Variants in LPA observed in about 807,000 individuals in gnomAD.
LPA encodes the protein lipoprotein(a).
In LPA, 199 loss-of-function variants were observed where a neutral mutation model predicts 197.9. That is an observed-to-expected ratio of 1.01 (90% CI 0.90 to 1.13). The LOEUF is 1.13. Ranked by LOEUF, LPA falls within the 50% of genes most tolerant of loss-of-function variation. LPA has a pLI of 0.00. For missense variants in LPA, 1,853 were observed against 1,785.8 expected (o/e 1.04, Z -0.68); for synonymous variants, 715 against 639.5 (o/e 1.12, Z -1.78).
intron 1 of LPA, among the ~76,000 whole-genome samples, chr6:160,656,994 C>G (rs918855446): frequency 6.6e-6 from 1 of 152,196 alleles, no homozygotes; most frequent in African/African-American, 2.4e-5. Flanking sequence ...CCTCTGCTGT[C>G]TATTATGGTA....
intron 16 of LPA, among the ~76,000 whole-genome samples, chr6:160,611,256 C>T (rs186714956): frequency 4.2e-4 from 64 of 152,204 alleles, no homozygotes; most frequent in African/African-American, 1.5e-3. Context: ...TCTTCATTGA[C>T]GCTTAGTGGG....
At chr6:160,556,717 T>C (rs1562320475) in intron 29 of LPA, among the ~76,000 whole-genome samples, 1 of 152,070 alleles carries the variant, frequency 6.6e-6, no homozygotes, top group Non-Finnish European at 1.5e-5. Context: ...CTTATTCCCT[T>C]ACAGTAGAGA....
chr6:160,599,889 T>C (rs746723882), intron 19 of LPA, among the ~76,000 whole-genome samples: 5 of 152,172 alleles, frequency 3.3e-5, no homozygotes, highest in Non-Finnish European at 7.3e-5. Flanking sequence ...TAAAACTTAG[T>C]GGAAAAGAAA....
At position 160,547,825 on chromosome 6, in the gene LPA, A is replaced by T. The variant is rs1182960670; in HGVS notation, c.5268T>A (p.Ile1756=). The change falls in exon 32 of 39, where the codon ATT becomes ATA. Residue 1756 remains isoleucine (I), a synonymous_variant. Coordinates refer to ENST00000316300, the MANE Select transcript of LPA (RefSeq NM_005577.4). Reference sequence around the variant, plus strand: ...GACCTGCCCATTTATTTGTCCCTGGAATGAACGTGCTGTGTCTATGGGGCT... The same window carrying T: ...GACCTGCCCATTTATTTGTCCCTGGTATGAACGTGCTGTGTCTATGGGGCT... ...AQEPHRHSTF[I]PGTNKWAGLE... is the part of the protein sequence containing the mutation. The T allele has an allele frequency of 1.2e-6, 2 of 1,614,094 alleles. No individual in the cohort carries two copies. The highest frequency in any genetic ancestry group is 8.5e-7 in the Non-Finnish European group (1 of 1,180,002).
chr6:160,539,445 G>GGT (rs1777943738), intron 36 of LPA, among the ~76,000 whole-genome samples: 1 of 142,644 alleles, frequency 7.0e-6, no homozygotes, highest in African/African-American at 2.5e-5. Context: ...TGTTGTGTGG[G>GGT]TTTTTTTTTT....
intron 30 of LPA, among the ~76,000 whole-genome samples, chr6:160,555,238 AATTATATTATATTATATTAT>A (rs533211549): frequency 2.3e-4 from 28 of 119,934 alleles, no homozygotes; most frequent in East Asian, 7.2e-4. Context: ...TATATATATT[AATTATATTATATTATATTAT>A]ATTATATTAT....
intron 37 of LPA, among the ~76,000 whole-genome samples, chr6:160,534,236 C>T (rs550725214): frequency 1.5e-4 from 23 of 152,290 alleles, no homozygotes; most frequent in Middle Eastern, 3.4e-3. Context: ...AAAGGGGCAC[C>T]CTTCTCAAAA....
chr6:160,537,421 G>C (rs930353561), intron 37 of LPA, among the ~76,000 whole-genome samples: 1 of 152,160 alleles, frequency 6.6e-6, no homozygotes, highest in African/African-American at 2.4e-5. Flanking sequence ...TGTCGTTACT[G>C]TTTTGCACCA....
rs750002062 is a variant in LPA, at chr6:160,531,718, C to G, written c.*11G>C. ...TAAGTAGGTTGATGCTTCACTCTGT[C>G]TCCCGTCCAATTAATTATTTCTCAT... is the stretch of plus-strand genomic sequence containing the variant. On this transcript the variant is annotated 3_prime_UTR_variant, in exon 39 of 39. Transcript: ENST00000316300. The G allele has an allele frequency of 6.2e-7, 1 of 1,614,008 alleles. No individual in the cohort carries two copies.
Position 160,589,695 on chromosome 6 carries a change from G to A in LPA, c.3805C>T (p.Pro1269Ser), listed in dbSNP as rs1234412912. 2.5e-6 allele frequency: 4 copies of A among 1,613,854 alleles called. No homozygotes were observed. Among genetic ancestry groups the A allele is most frequent in the Admixed American group, 1.7e-5 (1 of 60,012 alleles). Residue 1269 changes from proline to serine, a missense_variant, in exon 24 of 39, where the codon CCC (proline) becomes TCC (serine). Pro to Ser is a moderately conservative substitution (Grantham distance 74). Coordinates refer to ENST00000316300, the MANE Select transcript of LPA (RefSeq NM_005577.4). ...CCATGGTAGCAGTCCTGGACTGTGGGGCTTTGCTCCGTTGGTGCTGAAATT... is the reference window on the plus strand; with the variant it reads ...CCATGGTAGCAGTCCTGGACTGTGGAGCTTTGCTCCGTTGGTGCTGAAATT... The part of the protein sequence containing the change: ...VSEQAPTEQS[P>S]TVQDCYHGDG...
intron 16 of LPA, among the ~76,000 whole-genome samples, chr6:160,609,479 C>T (rs1779434103): frequency 6.6e-6 from 1 of 152,000 alleles, no homozygotes; most frequent in Non-Finnish European, 1.5e-5. Context: ...TATATCCTTG[C>T]CTTGTTACCT....
At chr6:160,569,849 GA>G (rs1583585608) in intron 28 of LPA, among the ~76,000 whole-genome samples, 1 of 152,092 alleles carries the variant, frequency 6.6e-6, no homozygotes, top group East Asian at 1.9e-4. Flanking sequence ...ATTCTCAAAA[GA>G]AAACTTTTAT....
At chr6:160,549,864 T>C (rs766530573) in intron 30 of LPA, among the ~76,000 whole-genome samples, 1 of 152,192 alleles carries the variant, frequency 6.6e-6, no homozygotes, top group Non-Finnish European at 1.5e-5. Context: ...GTGAGAGGGC[T>C]GGCTAGACTA....
At chr6:160,557,802 T>G (rs928696250) in intron 28 of LPA, among the ~76,000 whole-genome samples, 4 of 152,150 alleles carry the variant, frequency 2.6e-5, no homozygotes, top group Non-Finnish European at 2.9e-5. Flanking sequence ...TGGTCTATGA[T>G]CCATAAAAAA....
At chr6:160,643,083 A>AATTTGTGT (rs1332336973) in intron 4 of LPA, among the ~76,000 whole-genome samples, 1,260 of 130,452 alleles carry the variant, frequency 9.7e-3, no homozygotes, top group African/African-American at 0.033. Context: ...GTGTGTTTTC[A>AATTTGTGT]GTGTGTGTGT....
Position 160,664,270 on chromosome 6 carries a change from A to C in LPA, c.-56T>G. 6.3e-7 allele frequency: 1 copy of C among 1,578,250 alleles called. No individual in the cohort carries two copies. The highest frequency in any genetic ancestry group is 1.4e-5 in the African/African-American group (1 of 73,524). On this transcript the variant is annotated 5_prime_UTR_variant, in exon 1 of 39. Transcript: ENST00000316300. The stretch of plus-strand genomic sequence containing the variant: ...GTGTCCCAATCCCAGGACATTGTTG[A>C]CTTACATGAGAGTAAACGCACCCAC...
chr6:160,605,491 G>C (rs559252275), intron 17 of LPA, among the ~76,000 whole-genome samples: 12 of 151,904 alleles, frequency 7.9e-5, no homozygotes, highest in Admixed American at 7.9e-4. Flanking sequence ...CAAATGAGAG[G>C]GCTTCTCAAT....
intron 30 of LPA, among the ~76,000 whole-genome samples, chr6:160,553,931 C>G (rs185163543): frequency 0.05 from 3,285 of 65,632 alleles, 127 homozygotes; most frequent in African/African-American, 0.17. Flanking sequence ...CTCTCTCTCT[C>G]TCTCTCTGTG....
chr6:160,540,016 G>T (rs1777955250), intron 36 of LPA, 27 bp downstream of exon 36: 3 of 1,613,936 alleles, frequency 1.9e-6, no homozygotes, highest in Non-Finnish European at 2.5e-6. Context: ...CACCAGCGTG[G>T]GGTGAAGACC....
Sources: gnomAD v4.1 joint callset for allele counts (sites outside exome capture counted in the v4.1 genomes callset) on GRCh38, gnomAD v4.1.1 for gene constraint, MANE v1.5 for transcripts, NCBI Gene and HGNC (gene_info 2026-07-23, HGNC 2026-07-21) for gene names.